Variants in CRISP2 observed in about 807,000 individuals in gnomAD.
The protein encoded by CRISP2 is cysteine-rich secretory protein 2.
A neutral mutation model predicts 31.7 loss-of-function variants in CRISP2; 29 were observed. The observed-to-expected ratio is 0.92, with a 90% confidence interval of 0.68 to 1.25. CRISP2 has a LOEUF of 1.25. Ranked by LOEUF, CRISP2 falls within the 50% of genes most tolerant of loss-of-function variation. The pLI, the probability that CRISP2 is intolerant of heterozygous loss-of-function variation, is 0.00. For missense variants in CRISP2, 318 were observed against 286.5 expected, an observed-to-expected ratio of 1.11 and a Z score of -0.79; for synonymous variants, 111 against 101.4, an observed-to-expected ratio of 1.09 and a Z score of -0.57.
At chr6:49,686,542 G>A in the CRISP2 span, among the ~76,000 whole-genome samples, 1 of 152,130 alleles carries the variant, frequency 6.6e-6, no homozygotes, top group Non-Finnish European at 1.5e-5. Context: ...TCATTAAAAA[G>A]TCAGGAAACA....
chr6:49,684,031 A>G, the CRISP2 span, among the ~76,000 whole-genome samples: 5 of 152,012 alleles, frequency 3.3e-5, no homozygotes, highest in African/African-American at 1.2e-4. Flanking sequence ...ACATGCTTTG[A>G]TGTTCCTTGG....
At chr6:49,692,167 T>A (rs1385953898), downstream of CRISP2, among the ~76,000 whole-genome samples, 1 of 152,188 alleles carries the variant, frequency 6.6e-6, no homozygotes, top group Non-Finnish European at 1.5e-5. Flanking sequence ...TAATTTTTTG[T>A]TAAAATTTAA....
chr6:49,713,529 G>T lies in CRISP2; in HGVS notation c.-205C>A, dbSNP rs759184238. On this transcript the variant is annotated 5_prime_UTR_variant, in exon 1 of 10. Coordinates refer to ENST00000339139, the MANE Select transcript of CRISP2 (RefSeq NM_003296.4). Reference sequence around the variant, plus strand: ...CCTGCAGTTGGGCCGGCGCGTTGCGGCGTTGAGGAGCTGCGGCGCGCCCCT... The same window carrying T: ...CCTGCAGTTGGGCCGGCGCGTTGCGTCGTTGAGGAGCTGCGGCGCGCCCCT... The T allele has an allele frequency of 2.6e-5, 4 of 152,248 alleles. No individual in the cohort carries two copies. Among genetic ancestry groups the T allele is most frequent in the Non-Finnish European group, 5.9e-5 (4 of 68,090 alleles). 9.4% of individuals were successfully genotyped at this position (152,248 alleles called of 1,614,324 possible). A position where few individuals can be genotyped will look rare whatever the true frequency, so the allele number is the denominator to read the frequency against.
chr6:49,689,665 TAA>T (rs891363852), downstream of CRISP2, among the ~76,000 whole-genome samples: 3 of 152,154 alleles, frequency 2.0e-5, no homozygotes, highest in Non-Finnish European at 4.4e-5. Flanking sequence ...TTTTTAGGAA[TAA>T]GTTTTATTAA....
At chr6:49,701,687 A>ATG (rs1325759729) in intron 4 of CRISP2, among the ~76,000 whole-genome samples, 18 of 119,244 alleles carry the variant, frequency 1.5e-4, no homozygotes, top group African/African-American at 5.9e-4. Context: ...TGTATACATT[A>ATG]TATATGTATA....
downstream of CRISP2, among the ~76,000 whole-genome samples, chr6:49,690,067 C>A (rs563694944): frequency 6.3e-4 from 96 of 152,184 alleles, no homozygotes; most frequent in African/African-American, 2.2e-3. Flanking sequence ...TATGGATTTT[C>A]CTAATGTAAA....
chr6:49,685,567 CATT>C, the CRISP2 span, among the ~76,000 whole-genome samples: 1 of 152,288 alleles, frequency 6.6e-6, no homozygotes, highest in South Asian at 2.1e-4. Context: ...ACCTGGTTCT[CATT>C]ATTCATAATG....
chr6:49,712,111 G>T (rs370462490), intron 2 of CRISP2, among the ~76,000 whole-genome samples: 9 of 152,232 alleles, frequency 5.9e-5, no homozygotes, highest in East Asian at 1.9e-4. Context: ...CATGTTCAAG[G>T]CCTGGTTCTA....
chr6:49,685,959 T>C, the CRISP2 span, among the ~76,000 whole-genome samples: 2 of 152,176 alleles, frequency 1.3e-5, no homozygotes, highest in Non-Finnish European at 2.9e-5. Context: ...CATTTTTTCT[T>C]ACACCATTGT....
chr6:49,701,533 C>T (rs1582076423), intron 4 of CRISP2, among the ~76,000 whole-genome samples: 4 of 133,008 alleles, frequency 3.0e-5, no homozygotes, highest in South Asian at 4.6e-4. Context: ...TATACACACA[C>T]ACACACACAC....
intron 9 of CRISP2, among the ~76,000 whole-genome samples, chr6:49,695,279 T>A (rs1451052498): frequency 2.0e-5 from 3 of 152,138 alleles, no homozygotes; most frequent in African/African-American, 7.2e-5. Context: ...ATAGATTGAG[T>A]TTTGTCATAA....
the CRISP2 span, among the ~76,000 whole-genome samples, chr6:49,678,219 G>A: frequency 2.0e-5 from 3 of 152,126 alleles, no homozygotes; most frequent in African/African-American, 7.2e-5. Context: ...GATCTACAGG[G>A]TGCTAAGCGC....
At chr6:49,702,424 C>T (rs1204409697) in intron 4 of CRISP2, among the ~76,000 whole-genome samples, 1 of 151,562 alleles carries the variant, frequency 6.6e-6, no homozygotes, top group East Asian at 1.9e-4. Context: ...TACATTCCCA[C>T]CAGCAGTACA....
At chr6:49,706,251 A>T (rs1766998220) in intron 4 of CRISP2, among the ~76,000 whole-genome samples, 2 of 152,216 alleles carry the variant, frequency 1.3e-5, no homozygotes, top group African/African-American at 4.8e-5. Context: ...TTGACATGGT[A>T]TCTGCCTTTA....
chr6:49,704,021 C>T (rs773714261), intron 4 of CRISP2, among the ~76,000 whole-genome samples: 30 of 152,172 alleles, frequency 2.0e-4, no homozygotes, highest in South Asian at 2.1e-4. Context: ...TAATGTAATC[C>T]CAAACTTCTT....
In CRISP2 at chr6:49,698,071, A is replaced by G. The variant is rs1411246170; in HGVS notation, c.418-114T>C. On this transcript the variant is annotated intron_variant, in intron 7 of 9. Coordinates refer to ENST00000339139, the MANE Select transcript of CRISP2 (RefSeq NM_003296.4). ...TGTTAGTTTTATAGACATATACCATAAAAATATTTAAATTATTGAACCAAA... is the reference window on the plus strand; with the variant it reads ...TGTTAGTTTTATAGACATATACCATGAAAATATTTAAATTATTGAACCAAA... The G allele has an allele frequency of 6.2e-6, 5 of 800,934 alleles. No individual in the cohort carries two copies. The Admixed American group carries it at 1.6e-4, about 26-fold the overall frequency. The allele number at this position is 800,934 out of a possible 1,614,324, so 49.6% of individuals were successfully genotyped here. A position where few individuals can be genotyped will look rare whatever the true frequency, so the allele number is the denominator to read the frequency against.
intron 4 of CRISP2, among the ~76,000 whole-genome samples, chr6:49,703,293 C>T (rs1327024366): frequency 6.6e-6 from 1 of 151,158 alleles, no homozygotes; most frequent in Non-Finnish European, 1.5e-5. Flanking sequence ...TTTGCTTTGG[C>T]TATGCAGGCT....
intron 4 of CRISP2, among the ~76,000 whole-genome samples, chr6:49,705,951 T>C (rs942603695): frequency 3.9e-5 from 6 of 152,158 alleles, no homozygotes; most frequent in Non-Finnish European, 5.9e-5. Flanking sequence ...TCAGTTTTCC[T>C]GCCATGCTCC....
chr6:49,687,122 C>T, the CRISP2 span, among the ~76,000 whole-genome samples: 1 of 152,018 alleles, frequency 6.6e-6, no homozygotes, highest in Non-Finnish European at 1.5e-5. Context: ...GTAATGGGTG[C>T]AGCACACCAA....
Sources: allele counts gnomAD v4.1 joint callset (sites outside exome capture counted in the v4.1 genomes callset), GRCh38; gene constraint gnomAD v4.1.1; transcripts MANE v1.5; gene names NCBI Gene and HGNC (gene_info 2026-07-23, HGNC 2026-07-21).